RSF1: variants seen among roughly 807,000 people sequenced by gnomAD.
The protein encoded by RSF1 is HBV pX-associated protein 8.
RSF1 carries 13 observed loss-of-function variants against 145.2 expected under a neutral mutation model. That is an observed-to-expected ratio of 0.09 (90% confidence interval 0.06 to 0.14). RSF1 has a LOEUF of 0.14. Among genes scored for constraint, RSF1 ranks in the 10% least tolerant of loss-of-function variants. The pLI is 1.00. For missense variants in RSF1, 1,517 were observed against 1,718.2 expected (o/e 0.88, Z 2.07); for synonymous variants, 577 against 592.6 (o/e 0.97, Z 0.38).
At position 77,675,024 on chromosome 11, in the gene RSF1, G is replaced by T. The variant is rs1012838169; in HGVS notation, c.3562+12C>A. ...TTTATTGAGCTACCATATGGTTACAGATTATTTTTACCAGAGTCTCTACTA... is the reference window on the plus strand; with the variant it reads ...TTTATTGAGCTACCATATGGTTACATATTATTTTTACCAGAGTCTCTACTA... On this transcript the variant is annotated intron_variant, in intron 14 of 15. Coordinates refer to ENST00000308488, the MANE Select transcript of RSF1 (RefSeq NM_016578.4). The T allele has an allele frequency of 6.4e-6, 10 of 1,570,376 alleles. No homozygotes were observed. The highest frequency in any genetic ancestry group is 3.9e-5 in the Admixed American group (2 of 51,858).
chr11:77,752,919 T>C (rs1172480774), intron 2 of RSF1, among the ~76,000 whole-genome samples: 1 of 152,140 alleles, frequency 6.6e-6, no homozygotes, highest in African/African-American at 2.4e-5. Context: ...GCCACAAGAA[T>C]GACCTATGGT....
chr11:77,749,596 G>C (rs986836922), intron 2 of RSF1, among the ~76,000 whole-genome samples: 5 of 152,122 alleles, frequency 3.3e-5, no homozygotes. Flanking sequence ...CTACTGATTC[G>C]CATCTATGTG....
At chr11:77,858,640 G>A in the RSF1 span, among the ~76,000 whole-genome samples, 1 of 152,062 alleles carries the variant, frequency 6.6e-6, no homozygotes, top group African/African-American at 2.4e-5. Context: ...CCTCTCAACA[G>A]GAAAACCCAA....
chr11:77,722,319 T>G (rs776000572), intron 5 of RSF1, among the ~76,000 whole-genome samples: 3 of 152,220 alleles, frequency 2.0e-5, no homozygotes, highest in Admixed American at 2.0e-4. Context: ...CATTGAGAAA[T>G]GTTTTCAGAA....
chr11:77,743,430 T>G (rs974637519), intron 3 of RSF1, among the ~76,000 whole-genome samples: 2 of 152,218 alleles, frequency 1.3e-5, no homozygotes, highest in Admixed American at 1.3e-4. Flanking sequence ...TATAGAGATC[T>G]TTTACCTCTT....
chr11:77,715,000 T>C (rs897078920), intron 5 of RSF1, among the ~76,000 whole-genome samples: 2 of 152,096 alleles, frequency 1.3e-5, no homozygotes, highest in Non-Finnish European at 2.9e-5. Context: ...GGCACATGCC[T>C]GTAGTCTGAG....
At chr11:77,839,837 G>A in the RSF1 span, among the ~76,000 whole-genome samples, 2 of 152,098 alleles carry the variant, frequency 1.3e-5, no homozygotes, top group Non-Finnish European at 2.9e-5. Context: ...CAGGGGGAGG[G>A]AGAGCATCAG....
chr11:77,806,952 T>C (rs117129670), intron 1 of RSF1, among the ~76,000 whole-genome samples: 1,960 of 152,336 alleles, frequency 0.013, 19 homozygotes, highest in Middle Eastern at 0.044. Context: ...TTTGAGTATC[T>C]ACTATATGCT....
intron 4 of RSF1, among the ~76,000 whole-genome samples, chr11:77,736,503 T>C (rs941450334): frequency 1.3e-5 from 2 of 152,236 alleles, no homozygotes; most frequent in African/African-American, 2.4e-5. Flanking sequence ...GCACTAAATA[T>C]ATATTAGTGA....
rs564941306 is a variant in RSF1, at chr11:77,745,524, G to A, written c.372+1512C>T. 4.0e-5 allele frequency among the ~76,000 whole-genome samples: 6 copies of A among 150,130 alleles called. No homozygotes were observed. In the East Asian group the frequency reaches 9.8e-4, roughly 24 times the overall value. On this transcript the variant is annotated intron_variant, in intron 3 of 15. Coordinates refer to ENST00000308488, the MANE Select transcript of RSF1 (RefSeq NM_016578.4). ...TTCCTTTTGGATTTTTTTTTAACAT[G>A]TTGGTTATTCAGTAGTCATGGTATA...
intron 1 of RSF1, among the ~76,000 whole-genome samples, chr11:77,793,998 CAT>C (rs1297421972): frequency 6.6e-6 from 1 of 152,040 alleles, no homozygotes; most frequent in Non-Finnish European, 1.5e-5. Flanking sequence ...CAATTCTAAA[CAT>C]ATATGCACTC....
intron 1 of RSF1, among the ~76,000 whole-genome samples, chr11:77,811,684 G>A (rs1948733022): frequency 6.6e-6 from 1 of 152,156 alleles, no homozygotes; most frequent in Non-Finnish European, 1.5e-5. Context: ...AGATGTAAAA[G>A]CAGTTTGGCG....
upstream of RSF1, among the ~76,000 whole-genome samples, chr11:77,822,578 G>C (rs183344644): frequency 1.4e-3 from 207 of 151,978 alleles, 1 homozygote; most frequent in African/African-American, 3.3e-3. Flanking sequence ...TTCATTTCCA[G>C]GTTTTAAAAA....
At chr11:77,842,413 C>T in the RSF1 span, 1 of 1,447,166 alleles carries the variant, frequency 6.9e-7, no homozygotes, top group Non-Finnish European at 9.4e-7. Context: ...CTTAGTATCA[C>T]TGTATTTTCA....
At chr11:77,692,745 T>C (rs113337393) in intron 8 of RSF1, among the ~76,000 whole-genome samples, 1,726 of 151,398 alleles carry the variant, frequency 0.011, 38 homozygotes, top group African/African-American at 0.038. Flanking sequence ...TGGCGTGATC[T>C]TGGCTCACTG....
chr11:77,734,417 T>C (rs890771454), intron 4 of RSF1: 2 of 1,155,194 alleles, frequency 1.7e-6, no homozygotes, highest in Non-Finnish European at 1.3e-6. Flanking sequence ...CCAACATGCA[T>C]GCACTGCCTT....
At chr11:77,781,600 C>T (rs1437557364) in intron 1 of RSF1, among the ~76,000 whole-genome samples, 1 of 152,218 alleles carries the variant, frequency 6.6e-6, no homozygotes, top group African/African-American at 2.4e-5. Context: ...AGAGTTCCAA[C>T]TGTTTCACAT....
intron 4 of RSF1, among the ~76,000 whole-genome samples, chr11:77,735,905 A>C (rs1355630468): frequency 6.6e-6 from 1 of 152,072 alleles, no homozygotes; most frequent in Non-Finnish European, 1.5e-5. Flanking sequence ...ATGCCAGCTA[A>C]TTTTTGTATT....
chr11:77,711,776 C>T (rs977860376), intron 5 of RSF1, among the ~76,000 whole-genome samples: 3 of 152,186 alleles, frequency 2.0e-5, no homozygotes, highest in Non-Finnish European at 2.9e-5. Flanking sequence ...AGAAAATTAA[C>T]ATTGGTAAAA....
Sources: gnomAD v4.1 joint callset for allele counts (sites outside exome capture counted in the v4.1 genomes callset) on GRCh38, gnomAD v4.1.1 for gene constraint, MANE v1.5 for transcripts, NCBI Gene and HGNC (gene_info 2026-07-23, HGNC 2026-07-21) for gene names.